Variants in ARHGAP22 observed in about 807,000 individuals in gnomAD.
ARHGAP22 encodes the protein Rho GTPase activating protein 22, also known as rho GTPase-activating protein 22.
A neutral mutation model predicts 59.1 loss-of-function variants in ARHGAP22; 48 were observed. The observed-to-expected ratio is 0.81, with a 90% CI of 0.64 to 1.03. The LOEUF is 1.03. Ranked by LOEUF, ARHGAP22 falls within the 50% of genes least tolerant of loss-of-function variation. The probability of loss-of-function intolerance (pLI) is 0.00; values close to 1 mark genes in which losing one functional copy is unlikely to be tolerated. For synonymous variants in ARHGAP22, 445 were observed against 416.4 expected (o/e 1.07, Z -0.84); for missense variants, 1,015 against 958.7 (o/e 1.06, Z -0.78).
intron 2 of ARHGAP22, among the ~76,000 whole-genome samples, chr10:48,564,606 ATGCCCT>A (rs1209777466): frequency 1.3e-5 from 2 of 152,240 alleles, no homozygotes; most frequent in African/African-American, 4.8e-5. Context: ...AGCACTGCCC[ATGCCCT>A]ACTCACGGGC....
At chr10:48,647,318 G>A (rs1197455584) in intron 1 of ARHGAP22, among the ~76,000 whole-genome samples, 5 of 152,044 alleles carry the variant, frequency 3.3e-5, no homozygotes, top group Non-Finnish European at 7.4e-5. Context: ...CGCTTGAACC[G>A]GGAGGCAGAG....
upstream of ARHGAP22, among the ~76,000 whole-genome samples, chr10:48,655,229 C>T (rs1437214194): frequency 8.9e-6 from 1 of 112,626 alleles, no homozygotes; most frequent in Non-Finnish European, 1.8e-5. Flanking sequence ...CCACCCACAC[C>T]ATGGAGAGTG....
intron 2 of ARHGAP22, among the ~76,000 whole-genome samples, chr10:48,581,043 C>G (rs761678127): frequency 4.6e-5 from 7 of 152,056 alleles, no homozygotes; most frequent in Non-Finnish European, 8.8e-5. Flanking sequence ...TAAAATCGGG[C>G]CAAGTGGACA....
chr10:48,492,396 G>C (rs2050489429), intron 3 of ARHGAP22, among the ~76,000 whole-genome samples: 1 of 152,178 alleles, frequency 6.6e-6, no homozygotes, highest in Admixed American at 6.5e-5. Context: ...TGGGTGTCAG[G>C]GGTGAAGGCC....
At chr10:48,488,475 G>A (rs1383799430) in intron 3 of ARHGAP22, among the ~76,000 whole-genome samples, 3 of 152,178 alleles carry the variant, frequency 2.0e-5, no homozygotes, top group Non-Finnish European at 4.4e-5. Flanking sequence ...GAATGTTTCT[G>A]TATTTCCATA....
rs776941938 is a variant in ARHGAP22 at position 48,454,152 on chromosome 10, C to G, written c.802G>C (p.Glu268Gln). ...LTKDEGEGTL[E>Q]LAKQVSNLPQ... ...AGGTTGCTCACTTGTTTAGCCAACT[C>G]CAGAGTGCCCTTAGGAATGAAGAAC... is the stretch of plus-strand genomic sequence containing the variant. Residue 268 changes from glutamate (E) to glutamine (Q), a missense_variant, in exon 7 of 10, where the codon GAG becomes CAG. Physicochemically the swap from Glu to Gln is conservative, Grantham distance 29 (BLOSUM62 2). Coordinates refer to ENST00000249601, the MANE Select transcript of ARHGAP22 (RefSeq NM_021226.4). The G allele has an allele frequency of 6.2e-7, 1 of 1,613,846 alleles. No individual in the cohort carries two copies.
intron 3 of ARHGAP22, among the ~76,000 whole-genome samples, chr10:48,554,976 A>G (rs1335795887): frequency 3.3e-5 from 5 of 152,314 alleles, no homozygotes; most frequent in East Asian, 1.9e-4. Flanking sequence ...TAACAACGAC[A>G]TTGTCAAACT....
intron 3 of ARHGAP22, among the ~76,000 whole-genome samples, chr10:48,519,403 C>A (rs1048290746): frequency 6.6e-6 from 1 of 152,238 alleles, no homozygotes. Context: ...TCTGCAGGAA[C>A]CCATGCCCAG....
chr10:48,636,787 C>T (rs2061837787), intron 1 of ARHGAP22, among the ~76,000 whole-genome samples: 1 of 152,186 alleles, frequency 6.6e-6, no homozygotes, highest in African/African-American at 2.4e-5. Context: ...GCAGGCAAAG[C>T]CCAGACCTTG....
intron 1 of ARHGAP22, among the ~76,000 whole-genome samples, chr10:48,591,646 T>C (rs1430977360): frequency 6.6e-6 from 1 of 151,978 alleles, no homozygotes; most frequent in Non-Finnish European, 1.5e-5. Flanking sequence ...TAGAGAGTAA[T>C]TGGGCTGTAT....
downstream of ARHGAP22, chr10:48,444,413 A>T (rs1336286618): frequency 6.6e-6 from 1 of 152,238 alleles, no homozygotes; most frequent in Non-Finnish European, 1.5e-5. Flanking sequence ...CTGGTTACAC[A>T]GAGATTGGAG....
At chr10:48,598,461 C>A (rs1185662948) in intron 1 of ARHGAP22, among the ~76,000 whole-genome samples, 1 of 152,124 alleles carries the variant, frequency 6.6e-6, no homozygotes, top group East Asian at 1.9e-4. Context: ...CAGCACACAG[C>A]TGGCACTGGG....
chr10:48,558,891 G>A (rs1279316273), intron 2 of ARHGAP22, among the ~76,000 whole-genome samples: 1 of 152,176 alleles, frequency 6.6e-6, no homozygotes, highest in African/African-American at 2.4e-5. Context: ...TCAGCACCTT[G>A]GTTTCCTTAC....
At position 48,451,273 on chromosome 10, in the gene ARHGAP22, C is replaced by A. The variant is rs543459171; in HGVS notation, c.989-133G>T. On this transcript the variant is annotated intron_variant, in intron 8 of 9. Coordinates refer to ENST00000249601, the MANE Select transcript of ARHGAP22 (RefSeq NM_021226.4). ...AGAGCCAGGCCGCCCCTCAAGGGAG[C>A]CTTCATCCGCCCAGAGGAAAGGACC... 2.0e-4 allele frequency: 245 copies of A among 1,229,210 alleles called. 1 individual carries two copies. The highest frequency in any genetic ancestry group is 2.7e-4 in the Non-Finnish European group (233 of 857,300). The allele number at this position is 1,229,210 out of a possible 1,614,324, so 76.1% of individuals were successfully genotyped here.
intron 1 of ARHGAP22, among the ~76,000 whole-genome samples, chr10:48,585,368 A>G (rs1446227351): frequency 1.3e-5 from 2 of 152,032 alleles, no homozygotes; most frequent in South Asian, 2.1e-4. Flanking sequence ...CCATACTAAC[A>G]TTGGCCCCCT....
chr10:48,550,113 C>G (rs984665738), intron 3 of ARHGAP22, among the ~76,000 whole-genome samples: 1 of 152,222 alleles, frequency 6.6e-6, no homozygotes, highest in South Asian at 2.1e-4. Context: ...TTCTGCCCAG[C>G]TGCTCTCCCT....
chr10:48,594,619 G>C (rs2059956515), intron 1 of ARHGAP22, among the ~76,000 whole-genome samples: 1 of 152,090 alleles, frequency 6.6e-6, no homozygotes, highest in South Asian at 2.1e-4. Flanking sequence ...GGTTTCTCAG[G>C]ATTGCTGACA....
At chr10:48,452,577 T>C (rs1433294818) in intron 8 of ARHGAP22, among the ~76,000 whole-genome samples, 1 of 152,254 alleles carries the variant, frequency 6.6e-6, no homozygotes, top group Non-Finnish European at 1.5e-5. Context: ...GCCTCAGCTG[T>C]GGGCTTCCTG....
intron 1 of ARHGAP22, among the ~76,000 whole-genome samples, chr10:48,635,452 G>A (rs2061779158): frequency 6.6e-6 from 1 of 152,214 alleles, no homozygotes; most frequent in African/African-American, 2.4e-5. Context: ...GCCCACTGAT[G>A]GCTTCCCGCT....
Sources: gnomAD v4.1 joint callset for allele counts (sites outside exome capture counted in the v4.1 genomes callset) on GRCh38, gnomAD v4.1.1 for gene constraint, MANE v1.5 for transcripts, NCBI Gene and HGNC (gene_info 2026-07-23, HGNC 2026-07-21) for gene names.